The following KIAA1217 variants were observed in gnomAD, a reference collection of about 807,000 sequenced individuals.
KIAA1217 encodes KIAA1217.
KIAA1217 carries 88 observed loss-of-function variants against 163.9 expected under a neutral mutation model. The ratio of observed to expected loss-of-function variants is 0.54; its 90% CI spans 0.45 to 0.64. The LOEUF (loss-of-function observed/expected upper bound fraction) is 0.64, where lower values mean the gene tolerates loss of function less well. Among genes scored for constraint, KIAA1217 ranks in the 30% least tolerant of loss-of-function variants. The pLI, the probability that KIAA1217 is intolerant of heterozygous loss-of-function variation, is 0.00. For synonymous variants in KIAA1217, 903 were observed against 923.1 expected, an observed-to-expected ratio of 0.98 and a Z score of 0.39; for missense variants, 2,372 against 2,475.0, an observed-to-expected ratio of 0.96 and a Z score of 0.88.
intron 2 of KIAA1217, among the ~76,000 whole-genome samples, chr10:24,360,755 T>C (rs971638201): frequency 6.6e-6 from 1 of 152,216 alleles, no homozygotes; most frequent in African/African-American, 2.4e-5. Context: ...GGAAACAGAA[T>C]GATGGCCAAA....
chr10:23,793,439 T>G (rs1235977869), intron 1 of KIAA1217, among the ~76,000 whole-genome samples: 1 of 152,174 alleles, frequency 6.6e-6, no homozygotes, highest in Non-Finnish European at 1.5e-5. Context: ...GAAGGCACAT[T>G]CCTGTTCATG....
intron 2 of KIAA1217, among the ~76,000 whole-genome samples, chr10:24,202,666 C>G (rs899057407): frequency 6.6e-6 from 1 of 152,152 alleles, no homozygotes; most frequent in African/African-American, 2.4e-5. Context: ...AGGGTGGTTT[C>G]CATCTTTGGC....
chr10:24,471,632 C>T (rs2063524174), intron 5 of KIAA1217, among the ~76,000 whole-genome samples: 1 of 151,918 alleles, frequency 6.6e-6, no homozygotes, highest in Admixed American at 6.6e-5. Flanking sequence ...CCTATAATCC[C>T]AGCACTGTGG....
At chr10:23,770,569 G>C (rs1834748337) in intron 1 of KIAA1217, among the ~76,000 whole-genome samples, 1 of 152,172 alleles carries the variant, frequency 6.6e-6, no homozygotes, top group Admixed American at 6.5e-5. Flanking sequence ...CCTGAGGATG[G>C]AGAAGACCCT....
At chr10:24,154,090 TG>T (rs2064759961) in intron 2 of KIAA1217, among the ~76,000 whole-genome samples, 1 of 150,474 alleles carries the variant, frequency 6.6e-6, no homozygotes, top group Admixed American at 6.6e-5. Context: ...CCCAAGTAGC[TG>T]GGACTACAGG....
rs1248293940 is a variant in KIAA1217 at position 24,543,035 on chromosome 10, T to C, written c.3765T>C (p.Ser1255=). The change falls in exon 19 of 21, where the codon AGT becomes AGC. Residue 1255 remains serine, a synonymous_variant. Transcript: ENST00000376454. The part of the protein sequence containing the change: ...SISNMSLLRD[S]RNYSQETVPK... ...CCAATATGAGTTTACTCAGAGACAG[T>C]AGAAACTATTCCCAGGAAACTGTGC... 1.2e-6 allele frequency: 2 copies of C among 1,613,898 alleles called. No individual in the cohort carries two copies. The highest frequency in any genetic ancestry group is 1.7e-6 in the Non-Finnish European group (2 of 1,179,942).
At chr10:24,385,770 C>A (rs999103382) in intron 3 of KIAA1217, among the ~76,000 whole-genome samples, 2 of 152,092 alleles carry the variant, frequency 1.3e-5, no homozygotes, top group Non-Finnish European at 2.9e-5. Flanking sequence ...ATAGAGAAGA[C>A]CAGGAGAAAG....
rs144062347 is a variant in KIAA1217 at position 23,728,189 on chromosome 10, A to T, written c.-321+32955A>T. ...CTTTGGGTATATACCCAGTAATGGG[A>T]TTGGTGGCTCAAATGGTATTTTTCG... On this transcript the variant is annotated intron_variant, in intron 1 of 18. Transcript: ENST00000376462. 1.2e-3 allele frequency among the ~76,000 whole-genome samples: 179 copies of T among 152,262 alleles called. 12 individuals carry two copies. In the East Asian group the frequency reaches 0.028, roughly 23 times the overall value.
intron 6 of KIAA1217, among the ~76,000 whole-genome samples, chr10:24,491,286 C>CTTTTTTT (rs1169407580): frequency 7.0e-5 from 8 of 114,738 alleles, no homozygotes; most frequent in Non-Finnish European, 1.2e-4. Context: ...TTTTTTTTTC[C>CTTTTTTT]TTTTTTTTTT....
At chr10:23,753,807 G>A (rs138526784) in intron 1 of KIAA1217, among the ~76,000 whole-genome samples, 46 of 152,310 alleles carry the variant, frequency 3.0e-4, no homozygotes, top group East Asian at 2.7e-3. Context: ...CACGTCTCCT[G>A]TGATTTTTAA....
At chr10:24,190,855 G>C (rs980255043) in intron 2 of KIAA1217, among the ~76,000 whole-genome samples, 49 of 151,184 alleles carry the variant, frequency 3.2e-4, no homozygotes, top group Non-Finnish European at 1.5e-4. Flanking sequence ...ATCATTCCAG[G>C]GAGGGAAAGG....
intron 1 of KIAA1217, among the ~76,000 whole-genome samples, chr10:23,969,847 TG>T (rs1248187292): frequency 6.6e-6 from 1 of 152,176 alleles, no homozygotes. Context: ...TGAGACTGGG[TG>T]GTTTAATGGA....
chr10:23,717,137 A>G (rs1837619492), intron 1 of KIAA1217, among the ~76,000 whole-genome samples: 2 of 152,108 alleles, frequency 1.3e-5, no homozygotes, highest in East Asian at 1.9e-4. Context: ...TACCTGCTTT[A>G]CTATCTTTAC....
chr10:24,141,227 C>CA (rs1022680897), intron 2 of KIAA1217, among the ~76,000 whole-genome samples: 12 of 93,068 alleles, frequency 1.3e-4, no homozygotes, highest in African/African-American at 3.7e-4. Context: ...AAGAATAAAC[C>CA]CCCCCCCCCC....
intron 1 of KIAA1217, among the ~76,000 whole-genome samples, chr10:23,718,541 A>C (rs1837693527): frequency 6.6e-6 from 1 of 152,128 alleles, no homozygotes; most frequent in African/African-American, 2.4e-5. Context: ...AGTTGCTGAT[A>C]AATCCTTTAT....
intron 2 of KIAA1217, among the ~76,000 whole-genome samples, chr10:24,235,296 C>T (rs2072076920): frequency 6.6e-6 from 1 of 152,226 alleles, no homozygotes; most frequent in Non-Finnish European, 1.5e-5. Context: ...AACCATCCCC[C>T]TCTGCACCAA....
chr10:23,845,484 C>T (rs556324993), intron 1 of KIAA1217, among the ~76,000 whole-genome samples: 16 of 152,246 alleles, frequency 1.1e-4, no homozygotes, highest in African/African-American at 3.6e-4. Context: ...TCTCTGATGA[C>T]CAGTAATGAT....
intron 2 of KIAA1217, among the ~76,000 whole-genome samples, chr10:24,052,923 A>G (rs1422142056): frequency 6.6e-6 from 1 of 152,134 alleles, no homozygotes; most frequent in African/African-American, 2.4e-5. Flanking sequence ...CAACCTTCCT[A>G]GCTCATGGCC....
intron 1 of KIAA1217, among the ~76,000 whole-genome samples, chr10:23,877,789 G>C (rs533483982): frequency 6.6e-6 from 1 of 151,946 alleles, no homozygotes; most frequent in East Asian, 1.9e-4. Context: ...TAGTTGGCTA[G>C]CATCTGTTTT....
Sources: gnomAD v4.1 joint callset for allele counts (sites outside exome capture counted in the v4.1 genomes callset) on GRCh38, gnomAD v4.1.1 for gene constraint, MANE v1.5 for transcripts, NCBI Gene and HGNC (gene_info 2026-07-23, HGNC 2026-07-21) for gene names.